The following ESRRB variants were observed in gnomAD, a reference collection of about 807,000 sequenced individuals.
The protein encoded by ESRRB is steroid hormone receptor ERR2.
Under a neutral mutation model 46.0 loss-of-function variants are expected in ESRRB, and 16 were observed. The observed-to-expected ratio is 0.35, with a 90% CI of 0.24 to 0.53. ESRRB has a LOEUF of 0.53. Ranked by LOEUF, ESRRB falls within the 20% of genes least tolerant of loss-of-function variation. The pLI is 0.93. For synonymous variants in ESRRB, 246 were observed against 259.6 expected (o/e 0.95, Z 0.50); for missense variants, 488 against 607.4 (o/e 0.80, Z 2.07).
chr14:76,453,172 G>A (rs1311867187), intron 2 of ESRRB, among the ~76,000 whole-genome samples: 1 of 152,236 alleles, frequency 6.6e-6, no homozygotes, highest in African/African-American at 2.4e-5. Context: ...AAGGAGAAGG[G>A]TTGAGGGACC....
At chr14:76,410,706 G>A (rs1366663885) in intron 1 of ESRRB, among the ~76,000 whole-genome samples, 1 of 152,196 alleles carries the variant, frequency 6.6e-6, no homozygotes, top group Non-Finnish European at 1.5e-5. Context: ...TTCCCAGAAA[G>A]AGAGGGGGCT....
intron 1 of ESRRB, among the ~76,000 whole-genome samples, chr14:76,422,907 T>A (rs183368161): frequency 1.3e-4 from 20 of 152,308 alleles, no homozygotes; most frequent in Non-Finnish European, 8.8e-5. Context: ...ACAGTGGGGT[T>A]CTGGCTCTGA....
chr14:76,314,363 G>T (rs115449468), intron 1 of ESRRB, among the ~76,000 whole-genome samples: 3 of 152,254 alleles, frequency 2.0e-5, no homozygotes, highest in African/African-American at 7.2e-5. Context: ...GGCCTGGAGG[G>T]GCTGTGTGCC....
At chr14:76,345,487 T>C (rs900147507) in intron 1 of ESRRB, among the ~76,000 whole-genome samples, 3 of 152,036 alleles carry the variant, frequency 2.0e-5, no homozygotes, top group African/African-American at 7.3e-5. Flanking sequence ...AAAACCACAA[T>C]GCGATACTAT....
At chr14:76,370,157 A>G (rs1884586135), upstream of ESRRB, among the ~76,000 whole-genome samples, 1 of 151,766 alleles carries the variant, frequency 6.6e-6, no homozygotes, top group African/African-American at 2.4e-5. Context: ...TTGGGAGGCT[A>G]AGGATGGATT....
At chr14:76,344,421 C>T (rs1054679785) in intron 1 of ESRRB, among the ~76,000 whole-genome samples, 5 of 152,090 alleles carry the variant, frequency 3.3e-5, no homozygotes, top group African/African-American at 1.2e-4. Context: ...CCCTTGCCCC[C>T]CTCCCACTCT....
intron 1 of ESRRB, among the ~76,000 whole-genome samples, chr14:76,411,638 C>G (rs929211842): frequency 1.3e-5 from 2 of 152,142 alleles, no homozygotes; most frequent in Non-Finnish European, 2.9e-5. Context: ...CTGGTGGCAG[C>G]ACGTGCTGCA....
chr14:76,401,083 C>A (rs1000603149), intron 1 of ESRRB, among the ~76,000 whole-genome samples: 1 of 152,246 alleles, frequency 6.6e-6, no homozygotes, highest in East Asian at 1.9e-4. Context: ...GAGCCCTACA[C>A]TGTCCAATAT....
chr14:76,426,269 G>C (rs1482968753), intron 1 of ESRRB, among the ~76,000 whole-genome samples: 1 of 152,168 alleles, frequency 6.6e-6, no homozygotes, highest in Admixed American at 6.5e-5. Context: ...AGTGGAGTGG[G>C]GAAGGAGGGC....
intron 1 of ESRRB, among the ~76,000 whole-genome samples, chr14:76,344,115 T>C (rs140720981): frequency 1.6e-3 from 245 of 152,314 alleles, no homozygotes; most frequent in African/African-American, 5.8e-3. Context: ...AGTTTTCTCA[T>C]CTGTAAAATG....
At chr14:76,421,786 C>T (rs1454958447) in intron 1 of ESRRB, among the ~76,000 whole-genome samples, 1 of 152,158 alleles carries the variant, frequency 6.6e-6, no homozygotes. Flanking sequence ...CTGTCACTCT[C>T]CTCCCTCCCC....
intron 1 of ESRRB, among the ~76,000 whole-genome samples, chr14:76,316,809 C>A (rs1292891243): frequency 6.6e-6 from 1 of 152,156 alleles, no homozygotes; most frequent in Non-Finnish European, 1.5e-5. Flanking sequence ...GAATTTTATT[C>A]TGTTCAGTGA....
intron 1 of ESRRB, among the ~76,000 whole-genome samples, chr14:76,342,586 C>T (rs1056780894): frequency 9.2e-5 from 14 of 152,206 alleles, no homozygotes; most frequent in Non-Finnish European, 1.3e-4. Flanking sequence ...AAGAGAGGAA[C>T]GGGCGTGGCT....
upstream of ESRRB, among the ~76,000 whole-genome samples, chr14:76,372,488 G>A (rs2139783128): frequency 6.6e-6 from 1 of 152,168 alleles, no homozygotes; most frequent in African/African-American, 2.4e-5. Context: ...GTTCTTGTTT[G>A]TCATCATTTT....
At chr14:76,361,314 G>A (rs531175278) in intron 1 of ESRRB, among the ~76,000 whole-genome samples, 6 of 152,288 alleles carry the variant, frequency 3.9e-5, no homozygotes, top group Non-Finnish European at 8.8e-5. Context: ...AGGCTGGGAT[G>A]TAAAGGGGAC....
chr14:76,332,096 GA>G (rs1488361091), intron 1 of ESRRB, among the ~76,000 whole-genome samples: 1 of 151,800 alleles, frequency 6.6e-6, no homozygotes, highest in Non-Finnish European at 1.5e-5. Context: ...TGCTTGGTGG[GA>G]GAATCTGATG....
intron 1 of ESRRB, among the ~76,000 whole-genome samples, chr14:76,394,367 A>T (rs1885590006): frequency 6.6e-6 from 1 of 152,126 alleles, no homozygotes; most frequent in Non-Finnish European, 1.5e-5. Context: ...ACTGCCCACT[A>T]TGAGCCAGGC....
intron 1 of ESRRB, among the ~76,000 whole-genome samples, chr14:76,384,534 G>A (rs1885141444): frequency 6.6e-6 from 1 of 152,150 alleles, no homozygotes; most frequent in African/African-American, 2.4e-5. Context: ...GGAGAATACG[G>A]TGTTAACCAC....
chr14:76,430,263 G>C (rs896076203), intron 1 of ESRRB, among the ~76,000 whole-genome samples: 1 of 152,180 alleles, frequency 6.6e-6, no homozygotes, highest in Non-Finnish European at 1.5e-5. Context: ...CTGAGGATCT[G>C]CTTTAATGGA....
Sources: gnomAD v4.1 joint callset for allele counts (sites outside exome capture counted in the v4.1 genomes callset) on GRCh38, gnomAD v4.1.1 for gene constraint, MANE v1.5 for transcripts, NCBI Gene and HGNC (gene_info 2026-07-23, HGNC 2026-07-21) for gene names.